The following ELMO1 variants were observed in gnomAD, a reference collection of about 807,000 sequenced individuals.
The protein encoded by ELMO1 is engulfment and cell motility 1.
In ELMO1, 26 loss-of-function variants were observed where a neutral mutation model predicts 98.9. The observed-to-expected ratio is 0.26, with a 90% CI of 0.19 to 0.36. The LOEUF is 0.36. ELMO1 is among the 10% of genes least tolerant of loss of function. ELMO1 has a pLI of 1.00. For synonymous variants in ELMO1, 346 were observed against 346.0 expected (o/e 1.00, Z 0.00); for missense variants, 627 against 935.2 (o/e 0.67, Z 4.30).
chr7:37,078,543 G>T (rs1250572600), intron 15 of ELMO1, among the ~76,000 whole-genome samples: 1 of 152,058 alleles, frequency 6.6e-6, no homozygotes, highest in Non-Finnish European at 1.5e-5. Flanking sequence ...CCTTTTATCT[G>T]AATCTACATG....
intron 1 of ELMO1, among the ~76,000 whole-genome samples, chr7:37,358,983 CAG>C (rs1422020590): frequency 6.6e-6 from 1 of 152,140 alleles, no homozygotes; most frequent in Non-Finnish European, 1.5e-5. Flanking sequence ...AATAGACAAA[CAG>C]GGAGAAGCTG....
intron 1 of ELMO1, among the ~76,000 whole-genome samples, chr7:37,407,507 CAAA>C (rs34117162): frequency 1.1e-5 from 1 of 91,650 alleles, no homozygotes; most frequent in Admixed American, 1.1e-4. Flanking sequence ...AACTCCATCT[CAAA>C]AAAAAAAAAA....
chr7:36,904,527 A>C (rs1783817750), intron 16 of ELMO1, among the ~76,000 whole-genome samples: 1 of 152,220 alleles, frequency 6.6e-6, no homozygotes, highest in African/African-American at 2.4e-5. Context: ...ACAGGTGCTC[A>C]CTGGGTGTTG....
intron 13 of ELMO1, among the ~76,000 whole-genome samples, chr7:37,153,506 T>A (rs1584728242): frequency 6.6e-6 from 1 of 152,152 alleles, no homozygotes; most frequent in African/African-American, 2.4e-5. Flanking sequence ...GCTTGGCTGG[T>A]CCCACGCCCA....
chr7:36,942,071 T>C (rs11972899), intron 16 of ELMO1, among the ~76,000 whole-genome samples: 16,455 of 152,306 alleles, frequency 0.11, 1,102 homozygotes, highest in Middle Eastern at 0.22. Flanking sequence ...AACATTAATT[T>C]GTAATTTACA....
At chr7:37,313,461 G>C (rs994141028) in intron 4 of ELMO1, among the ~76,000 whole-genome samples, 1 of 152,154 alleles carries the variant, frequency 6.6e-6, no homozygotes, top group Non-Finnish European at 1.5e-5. Flanking sequence ...CTGACCTCAA[G>C]TGATCTGCCG....
intron 8 of ELMO1, among the ~76,000 whole-genome samples, chr7:37,227,533 G>A (rs1163755777): frequency 6.6e-6 from 1 of 152,024 alleles, no homozygotes; most frequent in Non-Finnish European, 1.5e-5. Flanking sequence ...TTACAGGCAT[G>A]CACCACCACG....
chr7:37,130,756 T>C (rs80013811), intron 14 of ELMO1, among the ~76,000 whole-genome samples: 9,616 of 139,400 alleles, frequency 0.069, 308 homozygotes, highest in African/African-American at 0.11. Context: ...TATACATGTG[T>C]TTGTGTGTGT....
intron 1 of ELMO1, among the ~76,000 whole-genome samples, chr7:37,400,632 A>G (rs1365275712): frequency 6.6e-6 from 1 of 152,218 alleles, no homozygotes; most frequent in African/African-American, 2.4e-5. Flanking sequence ...ACGGTGGAAG[A>G]GAATACAGAT....
At chr7:37,321,948 C>A (rs1799536408) in intron 2 of ELMO1, among the ~76,000 whole-genome samples, 1 of 150,616 alleles carries the variant, frequency 6.6e-6, no homozygotes, top group Non-Finnish European at 1.5e-5. Flanking sequence ...ACCTCCCCAC[C>A]TCCCGAGTTC....
intron 16 of ELMO1, among the ~76,000 whole-genome samples, chr7:36,980,563 T>G (rs950091014): frequency 2.6e-5 from 4 of 152,364 alleles, no homozygotes; most frequent in South Asian, 2.1e-4. Context: ...TTTAAAGCAT[T>G]GGATTCTAGA....
intron 16 of ELMO1, among the ~76,000 whole-genome samples, chr7:37,005,333 G>A (rs748059144): frequency 5.9e-5 from 9 of 151,832 alleles, no homozygotes; most frequent in Non-Finnish European, 1.2e-4. Flanking sequence ...TCTTCTCTAT[G>A]TTCTTCATAA....
chr7:37,289,334 C>T (rs1797559450), intron 4 of ELMO1, among the ~76,000 whole-genome samples: 1 of 152,130 alleles, frequency 6.6e-6, no homozygotes, highest in South Asian at 2.1e-4. Flanking sequence ...TTATTTCATA[C>T]CTACTATGGG....
chr7:37,298,284 T>G (rs1418655577), intron 4 of ELMO1, among the ~76,000 whole-genome samples: 10 of 113,862 alleles, frequency 8.8e-5, no homozygotes, highest in Non-Finnish European at 1.2e-4. Flanking sequence ...GGAAGTTTTT[T>G]TTGTTTTTTT....
At chr7:37,406,814 C>G (rs566092868) in intron 1 of ELMO1, among the ~76,000 whole-genome samples, 1 of 152,092 alleles carries the variant, frequency 6.6e-6, no homozygotes, top group South Asian at 2.1e-4. Context: ...AAAGGTCCTT[C>G]CAAGATTAAA....
chr7:37,290,726 G>C (rs1342889187), intron 4 of ELMO1, among the ~76,000 whole-genome samples: 2 of 152,172 alleles, frequency 1.3e-5, no homozygotes, highest in Admixed American at 6.5e-5. Context: ...ATATCTTAGA[G>C]AATGCAAATT....
At chr7:37,359,026 T>C (rs1801597947) in intron 1 of ELMO1, among the ~76,000 whole-genome samples, 1 of 152,200 alleles carries the variant, frequency 6.6e-6, no homozygotes, top group African/African-American at 2.4e-5. Flanking sequence ...TTATGGCTTC[T>C]ATAACAGAAT....
At chr7:37,334,649 A>C (rs1410871842) in intron 2 of ELMO1, among the ~76,000 whole-genome samples, 1 of 152,212 alleles carries the variant, frequency 6.6e-6, no homozygotes, top group Non-Finnish European at 1.5e-5. Context: ...CCTGCCACAT[A>C]GTGTGTGGTG....
At chr7:36,996,291 A>G (rs1293694672) in intron 16 of ELMO1, among the ~76,000 whole-genome samples, 1 of 152,172 alleles carries the variant, frequency 6.6e-6, no homozygotes, top group Non-Finnish European at 1.5e-5. Flanking sequence ...TGTAGATTGC[A>G]AAGTTTGTCC....
Sources: allele counts gnomAD v4.1 joint callset (sites outside exome capture counted in the v4.1 genomes callset), GRCh38; gene constraint gnomAD v4.1.1; transcripts MANE v1.5; gene names NCBI Gene and HGNC (gene_info 2026-07-23, HGNC 2026-07-21).